FAM107B: variants seen among roughly 807,000 people sequenced by gnomAD.
The protein encoded by FAM107B is protein FAM107B.
Under a neutral mutation model 31.5 loss-of-function variants are expected in FAM107B, and 21 were observed. The observed-to-expected ratio is 0.67, with a 90% CI of 0.47 to 0.96. FAM107B has a LOEUF of 0.96. Ranked by LOEUF, FAM107B falls within the 40% of genes least tolerant of loss-of-function variation. The pLI, the probability that FAM107B is intolerant of heterozygous loss-of-function variation, is 0.00. For missense variants in FAM107B, 452 were observed against 377.1 expected (o/e 1.20, Z -1.64); for synonymous variants, 157 against 141.5 (o/e 1.11, Z -0.78).
chr10:14,752,725 A>T (rs1215719590), intron 1 of FAM107B, among the ~76,000 whole-genome samples: 1 of 152,134 alleles, frequency 6.6e-6, no homozygotes. Context: ...GAGCCACAGG[A>T]GTTCAAGACC....
At chr10:14,658,258 G>A (rs1854123160) in intron 2 of FAM107B, among the ~76,000 whole-genome samples, 1 of 152,200 alleles carries the variant, frequency 6.6e-6, no homozygotes, top group South Asian at 2.1e-4. Context: ...GGTCTTCACT[G>A]AAAGTCATCA....
chr10:14,715,284 C>G (rs913822826), intron 1 of FAM107B, among the ~76,000 whole-genome samples: 2 of 151,942 alleles, frequency 1.3e-5, no homozygotes, highest in African/African-American at 4.8e-5. Context: ...AAGAAAGAAA[C>G]TTTCTTTGGA....
intron 2 of FAM107B, among the ~76,000 whole-genome samples, chr10:14,630,562 G>A (rs1012375180): frequency 6.6e-5 from 10 of 152,062 alleles, no homozygotes; most frequent in African/African-American, 1.9e-4. Flanking sequence ...GCTGGTCCAC[G>A]CCTATAGTCT....
intron 1 of FAM107B, among the ~76,000 whole-genome samples, chr10:14,679,743 A>T (rs1854782880): frequency 1.3e-5 from 2 of 152,246 alleles, no homozygotes; most frequent in Non-Finnish European, 2.9e-5. Context: ...GCCAAAGGAG[A>T]TTAACATTTG....
At chr10:14,674,347 G>C (rs930702587) in intron 1 of FAM107B, among the ~76,000 whole-genome samples, 4 of 152,170 alleles carry the variant, frequency 2.6e-5, no homozygotes, top group African/African-American at 4.8e-5. Context: ...GCAAACTATT[G>C]ATCTGACAAG....
chr10:14,736,979 A>G (rs1187535653), intron 1 of FAM107B, among the ~76,000 whole-genome samples: 1 of 152,174 alleles, frequency 6.6e-6, no homozygotes, highest in Non-Finnish European at 1.5e-5. Flanking sequence ...GGGAAAGGCC[A>G]CACAGCAGAC....
intron 2 of FAM107B, among the ~76,000 whole-genome samples, chr10:14,653,575 G>T (rs184277588): frequency 4.8e-4 from 72 of 149,108 alleles, no homozygotes; most frequent in Non-Finnish European, 9.6e-4. Flanking sequence ...TGCCATCATG[G>T]TGCAAGCTAG....
Position 14,729,167 on chromosome 10 carries a change from T to A in FAM107B, c.411+45086A>T, listed in dbSNP as rs569789079. 2.9e-4 allele frequency among the ~76,000 whole-genome samples: 44 copies of A among 152,186 alleles called. No individual in the cohort carries two copies. The South Asian group carries it at 8.1e-3, about 28-fold the overall frequency. ...ATTGTCATACCTGGCTATTTTTTTT[T>A]ATTTTCATTTTTGTAGAGATGAGAT... On this transcript the variant is annotated intron_variant, in intron 1 of 4. Coordinates refer to ENST00000181796, the MANE Select transcript of FAM107B (RefSeq NM_031453.4).
chr10:14,664,556 A>G (rs1854359051), intron 2 of FAM107B, among the ~76,000 whole-genome samples: 1 of 152,226 alleles, frequency 6.6e-6, no homozygotes, highest in South Asian at 2.1e-4. Context: ...ATCCAGTGTA[A>G]TAACATGCCA....
At position 14,774,824 on chromosome 10, in the gene FAM107B, C is replaced by A. The variant is rs1833385498; in HGVS notation, c.-161G>T. 9.1e-6 allele frequency: 7 copies of A among 772,736 alleles called. No individual in the cohort carries two copies. Among genetic ancestry groups the A allele is most frequent in the Non-Finnish European group, 1.2e-5 (6 of 496,352 alleles). The allele number at this position is 772,736 out of a possible 1,614,324, so 47.9% of individuals were successfully genotyped here. A position where few individuals can be genotyped will look rare whatever the true frequency, so the allele number is the denominator to read the frequency against. ...GAAGTTGGGATGGCAAGGCCACCTTCCCTGAGAGTCACTTAGCCGCTGGGG... is the reference window on the plus strand; with the variant it reads ...GAAGTTGGGATGGCAAGGCCACCTTACCTGAGAGTCACTTAGCCGCTGGGG... On this transcript the variant is annotated 5_prime_UTR_variant, in exon 1 of 5. Coordinates refer to ENST00000181796, the MANE Select transcript of FAM107B (RefSeq NM_031453.4).
chr10:14,711,104 G>T (rs1855636040), intron 1 of FAM107B, among the ~76,000 whole-genome samples: 1 of 152,082 alleles, frequency 6.6e-6, no homozygotes, highest in Non-Finnish European at 1.5e-5. Flanking sequence ...GTAGAGATGG[G>T]GTTTCACCAT....
At chr10:14,582,375 C>T (rs137885663) in intron 2 of FAM107B, among the ~76,000 whole-genome samples, 173 of 112,020 alleles carry the variant, frequency 1.5e-3, no homozygotes, top group African/African-American at 3.6e-3. Flanking sequence ...TTTTTCTTTT[C>T]TTTTTTTTTT....
intron 1 of FAM107B, among the ~76,000 whole-genome samples, chr10:14,734,213 G>C (rs1431347135): frequency 1.3e-5 from 2 of 152,196 alleles, no homozygotes; most frequent in Admixed American, 1.3e-4. Flanking sequence ...AAGATCCATT[G>C]CATCATGGCT....
At chr10:14,550,358 G>C (rs530836855) in intron 2 of FAM107B, among the ~76,000 whole-genome samples, 2 of 152,180 alleles carry the variant, frequency 1.3e-5, no homozygotes, top group South Asian at 4.1e-4. Flanking sequence ...TGCAGCTCTA[G>C]TCCTCGGCTG....
chr10:14,521,201 G>T lies in FAM107B; in HGVS notation c.910C>A (p.Gln304Lys). The T allele has an allele frequency of 6.2e-7, 1 of 1,613,622 alleles. No individual in the cohort carries two copies. Among genetic ancestry groups the T allele is most frequent in the Non-Finnish European group, 8.5e-7 (1 of 1,179,528 alleles). The change falls in exon 5 of 5, where the codon CAG (glutamine) becomes AAG (lysine). Residue 304 changes from glutamine to lysine, a missense_variant. Coordinates refer to ENST00000181796, the MANE Select transcript of FAM107B (RefSeq NM_031453.4). ...GGTGCAGCCTCAGCCTAGGACTCCT[G>T]GGCTTGGGCGACTTCTTGGCCTGTT... ...RRTGQEVAQA[Q>K]ES
rs112659137 is a variant in FAM107B, at chr10:14,682,467, T to G, written c.412-14776A>C. 5.9e-5 allele frequency among the ~76,000 whole-genome samples: 9 copies of G among 152,326 alleles called. 1 individual carries two copies. Among genetic ancestry groups the G allele is most frequent in the African/African-American group, 2.2e-4 (9 of 41,582 alleles). ...TCACTTGAACCCAGGAGGTGCAGGT[T>G]GCAGTGAACCGAGATTGTGCCACTG... On this transcript the variant is annotated intron_variant, in intron 1 of 4. Coordinates refer to ENST00000181796, the MANE Select transcript of FAM107B (RefSeq NM_031453.4).
intron 2 of FAM107B, 49 bp downstream of exon 2, chr10:14,667,583 TTC>T: frequency 6.3e-7 from 1 of 1,597,084 alleles, no homozygotes; most frequent in African/African-American, 1.3e-5. Flanking sequence ...CTCCAAGCAC[TTC>T]TGTCAGCAAC....
intron 1 of FAM107B, among the ~76,000 whole-genome samples, chr10:14,696,301 C>T (rs1166171321): frequency 6.6e-6 from 1 of 152,152 alleles, no homozygotes; most frequent in African/African-American, 2.4e-5. Context: ...GATTGATTTG[C>T]ATATGTTAAA....
At chr10:14,632,070 G>A (rs2131419347) in intron 2 of FAM107B, among the ~76,000 whole-genome samples, 1 of 152,046 alleles carries the variant, frequency 6.6e-6, no homozygotes, top group East Asian at 1.9e-4. Flanking sequence ...GGCCAGGCAG[G>A]CGGACCACCT....
Sources: allele counts gnomAD v4.1 joint callset (sites outside exome capture counted in the v4.1 genomes callset), GRCh38; gene constraint gnomAD v4.1.1; transcripts MANE v1.5; gene names NCBI Gene and HGNC (gene_info 2026-07-23, HGNC 2026-07-21).